The following OR11L1 variants were observed in gnomAD, a reference collection of about 807,000 sequenced individuals.
OR11L1 encodes the protein olfactory receptor 11L1.
For missense variants in OR11L1, 397 were observed against 392.7 expected (o/e 1.01, Z -0.09); for synonymous variants, 164 against 159.1 (o/e 1.03, Z -0.23).
rs1184200091 is a variant in OR11L1 at position 247,841,184 on chromosome 1, A to G, written c.713T>C (p.Phe238Ser). The stretch of plus-strand genomic sequence containing the variant: ...AGCCAGGTGGGAGCCACATGTGGAA[A>G]AGGTCTTTCTCCGGCCAGAGGTGGA... ...IPSTSGRRKT[F>S]STCGSHLAVV... Residue 238 changes from phenylalanine to serine, a missense_variant, in exon 1 of 1, where the codon TTT becomes TCT. Phe to Ser is a radical substitution (Grantham distance 155). Coordinates refer to ENST00000355784, the MANE Select transcript of OR11L1 (RefSeq NM_001001959.1). 6.2e-7 allele frequency: 1 copy of G among 1,614,176 alleles called. No individual in the cohort carries two copies.
rs1558342202 is a variant in OR11L1 at position 247,841,190 on chromosome 1, T to C, written c.707A>G (p.Lys236Arg). ...LRIPSTSGRRKTFSTCGSHLA... is the reference protein window; with the variant it reads ...LRIPSTSGRRRTFSTCGSHLA... The stretch of plus-strand genomic sequence containing the variant: ...GTGGGAGCCACATGTGGAAAAGGTC[T>C]TTCTCCGGCCAGAGGTGGAAGGGAT... The change falls in exon 1 of 1, where the codon AAG becomes AGG. Residue 236 changes from lysine (K) to arginine (R), a missense_variant. By Grantham distance (26) the Lys-to-Arg change is conservative. Transcript: ENST00000355784. 1 of 1,614,124 alleles carries C rather than the reference T, an allele frequency of 6.2e-7. No individual in the cohort carries two copies. Among genetic ancestry groups the C allele is most frequent in the East Asian group, 2.2e-5 (1 of 44,872 alleles).
In OR11L1 at chr1:247,841,537, A is replaced by T; in HGVS notation, c.360T>A (p.Tyr120Ter). 6.2e-7 allele frequency: 1 copy of T among 1,614,064 alleles called. No homozygotes were observed. Among genetic ancestry groups the T allele is most frequent in the Non-Finnish European group, 8.5e-7 (1 of 1,179,962 alleles). The part of the protein sequence containing the change: ...TECFLLAFMA[Y>*]DRYLAICSPL... Reference sequence around the variant, plus strand: ...GGCTGCAGATGGCCAGGTAACGGTCATAGGCCATGAAGGCCAGGAGAAAGC... The same window carrying T: ...GGCTGCAGATGGCCAGGTAACGGTCTTAGGCCATGAAGGCCAGGAGAAAGC... The change falls in exon 1 of 1, where the codon TAT (tyrosine) becomes TAA (stop). Residue 120 changes from tyrosine to a stop codon, truncating the protein, a stop_gained. Coordinates refer to ENST00000355784, the MANE Select transcript of OR11L1 (RefSeq NM_001001959.1). LOFTEE classifies it low-confidence loss of function (END_TRUNC).
chr1:247,841,399 C>T lies in OR11L1; in HGVS notation c.498G>A (p.Leu166=), dbSNP rs762983080. 1 of 1,614,182 alleles carries T rather than the reference C, an allele frequency of 6.2e-7. No individual in the cohort carries two copies. The highest frequency in any genetic ancestry group is 8.5e-7 in the Non-Finnish European group (1 of 1,180,032). Residue 166 remains leucine (L), a synonymous_variant, in exon 1 of 1, where the codon TTG becomes TTA. Transcript: ENST00000355784. The part of the protein sequence containing the change: ...GFLPSLMISR[L]DFCGRNQINH... ...TAATCTGATTGCGCCCACAGAAGTC[C>T]AACCTGGAAATCATCAGGGAAGGCA...
In OR11L1 at chr1:247,841,396, G is replaced by C; in HGVS notation, c.501C>G (p.Asp167Glu). 1 of 1,614,186 alleles carries C rather than the reference G, an allele frequency of 6.2e-7. No homozygotes were observed. Among genetic ancestry groups the C allele is most frequent in the Non-Finnish European group, 8.5e-7 (1 of 1,180,022 alleles). The part of the protein sequence containing the change: ...FLPSLMISRL[D>E]FCGRNQINHF... ...GGTTAATCTGATTGCGCCCACAGAA[G>C]TCCAACCTGGAAATCATCAGGGAAG... is the stretch of plus-strand genomic sequence containing the variant. Residue 167 changes from aspartate (D) to glutamate (E), a missense_variant, in exon 1 of 1, where the codon GAC (aspartate) becomes GAG (glutamate). Transcript: ENST00000355784.
At position 247,841,213 on chromosome 1, in the gene OR11L1, G is replaced by T; in HGVS notation, c.684C>A (p.Ile228=). 1 of 1,614,160 alleles carries T rather than the reference G, an allele frequency of 6.2e-7. No individual in the cohort carries two copies. Among genetic ancestry groups the T allele is most frequent in the South Asian group, 1.1e-5 (1 of 91,074 alleles). ...YVFIVSSILR[I]PSTSGRRKTF... is the part of the protein sequence containing the mutation. The stretch of plus-strand genomic sequence containing the variant: ...TCTTTCTCCGGCCAGAGGTGGAAGG[G>T]ATTCTCAATATGGAGGACACAATGA... The change falls in exon 1 of 1, where the codon ATC becomes ATA. Residue 228 remains isoleucine (I), a synonymous_variant. Coordinates refer to ENST00000355784, the MANE Select transcript of OR11L1 (RefSeq NM_001001959.1).
At position 247,841,262 on chromosome 1, in the gene OR11L1, A is replaced by T; in HGVS notation, c.635T>A (p.Phe212Tyr). 1 of 1,614,226 alleles carries T rather than the reference A, an allele frequency of 6.2e-7. No individual in the cohort carries two copies. Among genetic ancestry groups the T allele is most frequent in the Non-Finnish European group, 8.5e-7 (1 of 1,180,036 alleles). ...LSIAVLCICFFLTLGPYVFIV... is the reference protein window; with the variant it reads ...LSIAVLCICFYLTLGPYVFIV... ...GAAAACATAGGGCCCCAGTGTCAGA[A>T]AAAAACAAATGCACAGCACGGCAAT... Residue 212 changes from phenylalanine to tyrosine, a missense_variant, in exon 1 of 1, where the codon TTT (phenylalanine) becomes TAT (tyrosine). By Grantham distance (22) the Phe-to-Tyr change is conservative. Coordinates refer to ENST00000355784, the MANE Select transcript of OR11L1 (RefSeq NM_001001959.1).
Position 247,841,454 on chromosome 1 carries a change from G to A in OR11L1, c.443C>T (p.Ser148Phe), listed in dbSNP as rs781282159. 52 of 1,614,026 alleles carry A rather than the reference G, an allele frequency of 3.2e-5. No individual in the cohort carries two copies. The highest frequency in any genetic ancestry group is 4.0e-5 in the Non-Finnish European group (47 of 1,180,000). The change falls in exon 1 of 1, where the codon TCC (serine) becomes TTC (phenylalanine). Residue 148 changes from serine to phenylalanine, a missense_variant. Physicochemically the swap from Ser to Phe is radical, Grantham distance 155. Transcript: ENST00000355784. ...RGLCARLVVV[S>F]WCTGVSTGFL... is the part of the protein sequence containing the mutation. ...GCCTGTGCTGACCCCTGTGCACCAG[G>A]AGACCACCACCAACCTGGCACAGAG... is the stretch of plus-strand genomic sequence containing the variant.
rs1286239385 is a variant in OR11L1 at position 247,841,630 on chromosome 1, G to A, written c.267C>T (p.Gly89=). Reference sequence around the variant, plus strand: ...TGCAGGCAGAGAAGGAGATGGCTTGGCCCCAGGACAGCAGGTTGGCTAGGA... The same window carrying A: ...TGCAGGCAGAGAAGGAGATGGCTTGACCCCAGGACAGCAGGTTGGCTAGGA... ...PLLLANLLSW[G]QAISFSACMA... Residue 89 remains glycine (G), a synonymous_variant, in exon 1 of 1, where the codon GGC becomes GGT. Coordinates refer to ENST00000355784, the MANE Select transcript of OR11L1 (RefSeq NM_001001959.1). 1 of 1,614,182 alleles carries A rather than the reference G, an allele frequency of 6.2e-7. No homozygotes were observed. The highest frequency in any genetic ancestry group is 8.5e-7 in the Non-Finnish European group (1 of 1,180,026).
rs201205415 is a variant in OR11L1 at position 247,841,860 on chromosome 1, G to C, written c.37C>G (p.Gln13Glu). 5.8e-5 allele frequency: 94 copies of C among 1,613,746 alleles called. No homozygotes were observed. The highest frequency in any genetic ancestry group is 7.6e-5 in the Non-Finnish European group (90 of 1,179,956). Residue 13 changes from glutamine (Q) to glutamate (E), a missense_variant, in exon 1 of 1, where the codon CAG (glutamine) becomes GAG (glutamate). Physicochemically the swap from Gln to Glu is conservative, Grantham distance 29. Coordinates refer to ENST00000355784, the MANE Select transcript of OR11L1 (RefSeq NM_001001959.1). ...PQNTSTVTNF[Q>E]LLGFQNLLEW... is the part of the protein sequence containing the mutation. ...AGAAGGTTCTGGAATCCTAACAGCT[G>C]AAAGTTAGTCACAGTGGAGGTATTT...
At position 247,841,864 on chromosome 1, in the gene OR11L1, G is replaced by A; in HGVS notation, c.33C>T (p.Asn11=). 2 of 1,613,730 alleles carry A rather than the reference G, an allele frequency of 1.2e-6. No homozygotes were observed. Among genetic ancestry groups the A allele is most frequent in the African/African-American group, 1.3e-5 (1 of 75,044 alleles). ...GGTTCTGGAATCCTAACAGCTGAAA[G>A]TTAGTCACAGTGGAGGTATTTTGGG... MEPQNTSTVT[N]FQLLGFQNLL... The change falls in exon 1 of 1, where the codon AAC becomes AAT. Residue 11 remains asparagine (N), a synonymous_variant. Transcript: ENST00000355784.
Position 247,841,573 on chromosome 1 carries a change from G to T in OR11L1, c.324C>A (p.Gly108=), listed in dbSNP as rs776237118. The T allele has an allele frequency of 2.5e-6, 4 of 1,613,814 alleles. No homozygotes were observed. Among genetic ancestry groups the T allele is most frequent in the Non-Finnish European group, 3.4e-6 (4 of 1,179,834 alleles). ...MAQLYFFVFL[G]ATECFLLAFM... Reference sequence around the variant, plus strand: ...AGGCCAGGAGAAAGCACTCGGTGGCGCCGAGGAATACGAAGAAGTAGAGCT... The same window carrying T: ...AGGCCAGGAGAAAGCACTCGGTGGCTCCGAGGAATACGAAGAAGTAGAGCT... The change falls in exon 1 of 1, where the codon GGC becomes GGA. Residue 108 remains glycine, a synonymous_variant. Coordinates refer to ENST00000355784, the MANE Select transcript of OR11L1 (RefSeq NM_001001959.1).
In OR11L1 at chr1:247,841,584, C is replaced by G; in HGVS notation, c.313G>C (p.Val105Leu). The change falls in exon 1 of 1, where the codon GTA (valine) becomes CTA (leucine). Residue 105 changes from valine to leucine, a missense_variant. Transcript: ENST00000355784. ...SACMAQLYFF[V>L]FLGATECFLL... ...AAGCACTCGGTGGCGCCGAGGAATA[C>G]GAAGAAGTAGAGCTGTGCCATGCAG... is the stretch of plus-strand genomic sequence containing the variant. 6.2e-7 allele frequency: 1 copy of G among 1,613,658 alleles called. No homozygotes were observed. Among genetic ancestry groups the G allele is most frequent in the Non-Finnish European group, 8.5e-7 (1 of 1,179,820 alleles).
In OR11L1 at chr1:247,841,347, G is replaced by C; in HGVS notation, c.550C>G (p.Leu184Val). ...INHFFCDLPP[L>V]MQLSCSRVYI... ...ACTCTGGAACAGGAGAGCTGCATGAGTGGCGGGAGGTCGCAGAAGAAATGG... is the reference window on the plus strand; with the variant it reads ...ACTCTGGAACAGGAGAGCTGCATGACTGGCGGGAGGTCGCAGAAGAAATGG... The change falls in exon 1 of 1, where the codon CTC becomes GTC. Residue 184 changes from leucine to valine, a missense_variant. By Grantham distance (32) the Leu-to-Val change is conservative (BLOSUM62 1). Transcript: ENST00000355784. 3 of 1,614,046 alleles carry C rather than the reference G, an allele frequency of 1.9e-6. No individual in the cohort carries two copies. Among genetic ancestry groups the C allele is most frequent in the South Asian group, 2.2e-5 (2 of 91,078 alleles).
chr1:247,841,029 A>G lies in OR11L1; in HGVS notation c.868T>C (p.Tyr290His), dbSNP rs764087149. 1 of 1,614,194 alleles carries G rather than the reference A, an allele frequency of 6.2e-7. No homozygotes were observed. Among genetic ancestry groups the G allele is most frequent in the Non-Finnish European group, 8.5e-7 (1 of 1,180,012 alleles). ...VVTPLLNPVI[Y>H]SLRNKDFKEA... ...TTGAAGTCTTTGTTCCTCAAGCTGT[A>G]GATAACTGGGTTCAGCAGTGGTGTG... The change falls in exon 1 of 1, where the codon TAC (tyrosine) becomes CAC (histidine). Residue 290 changes from tyrosine to histidine, a missense_variant. Transcript: ENST00000355784.
At position 247,841,066 on chromosome 1, in the gene OR11L1, G is replaced by A. The variant is rs777160400; in HGVS notation, c.831C>T (p.Phe277=). Residue 277 remains phenylalanine (F), a synonymous_variant, in exon 1 of 1, where the codon TTC becomes TTT. Coordinates refer to ENST00000355784, the MANE Select transcript of OR11L1 (RefSeq NM_001001959.1). ...TCAGCAGTGGTGTGACCACAGTGTA[G>A]AAGACAGAAATGATCTTGTTGATTT... The part of the protein sequence containing the change: ...LPEINKIISV[F]YTVVTPLLNP... 1.6e-5 allele frequency: 26 copies of A among 1,614,094 alleles called. No homozygotes were observed. Among genetic ancestry groups the A allele is most frequent in the African/African-American group, 6.7e-5 (5 of 74,932 alleles).
rs563634223 is a variant in OR11L1 at position 247,841,248 on chromosome 1, G to A, written c.649C>T (p.Pro217Ser). 2 of 1,614,076 alleles carry A rather than the reference G, an allele frequency of 1.2e-6. No homozygotes were observed. The highest frequency in any genetic ancestry group is 2.2e-5 in the South Asian group (2 of 91,074). ...ATGGAGGACACAATGAAAACATAGG[G>A]CCCCAGTGTCAGAAAAAAACAAATG... is the stretch of plus-strand genomic sequence containing the variant. ...LCICFFLTLG[P>S]YVFIVSSILR... The change falls in exon 1 of 1, where the codon CCC (proline) becomes TCC (serine). Residue 217 changes from proline to serine, a missense_variant. By Grantham distance (74) the Pro-to-Ser change is moderately conservative. Coordinates refer to ENST00000355784, the MANE Select transcript of OR11L1 (RefSeq NM_001001959.1).
rs776197398 is a variant in OR11L1, at chr1:247,841,024, G to A, written c.873C>T (p.Ser291=). ...CTTCTTTGAAGTCTTTGTTCCTCAA[G>A]CTGTAGATAACTGGGTTCAGCAGTG... is the stretch of plus-strand genomic sequence containing the variant. The part of the protein sequence containing the change: ...VTPLLNPVIY[S]LRNKDFKEAV... The change falls in exon 1 of 1, where the codon AGC becomes AGT. Residue 291 remains serine (S), a synonymous_variant. Coordinates refer to ENST00000355784, the MANE Select transcript of OR11L1 (RefSeq NM_001001959.1). 10 of 1,614,040 alleles carry A rather than the reference G, an allele frequency of 6.2e-6. No individual in the cohort carries two copies. The South Asian group carries it at 1.1e-4, about 18-fold the overall frequency.
rs773300898 is a variant in OR11L1 at position 247,841,299 on chromosome 1, A to G, written c.598T>C (p.Phe200Leu). 2 of 1,614,116 alleles carry G rather than the reference A, an allele frequency of 1.2e-6. No individual in the cohort carries two copies. Among genetic ancestry groups the G allele is most frequent in the South Asian group, 2.2e-5 (2 of 91,086 alleles). The change falls in exon 1 of 1, where the codon TTC becomes CTC. Residue 200 changes from phenylalanine to leucine, a missense_variant. By Grantham distance (22) the Phe-to-Leu change is conservative. Transcript: ENST00000355784. Reference protein sequence around the residue: ...SRVYITEVTIFILSIAVLCIC... With the variant: ...SRVYITEVTILILSIAVLCIC... The stretch of plus-strand genomic sequence containing the variant: ...CACAGCACGGCAATTGACAGGATGA[A>G]GATGGTCACCTCGGTGATATAAACT...
rs372418706 is a variant in OR11L1, at chr1:247,841,089, T to C, written c.808A>G (p.Ile270Val). 61 of 1,614,050 alleles carry C rather than the reference T, an allele frequency of 3.8e-5. No homozygotes were observed. Among genetic ancestry groups the C allele is most frequent in the Non-Finnish European group, 4.8e-5 (57 of 1,180,022 alleles). The change falls in exon 1 of 1, where the codon ATC (isoleucine) becomes GTC (valine). Residue 270 changes from isoleucine to valine, a missense_variant. Physicochemically the swap from Ile to Val is conservative, Grantham distance 29. Coordinates refer to ENST00000355784, the MANE Select transcript of OR11L1 (RefSeq NM_001001959.1). ...TAGAAGACAGAAATGATCTTGTTGATTTCAGGCAACAGGTGGGGACTGGGA... is the reference window on the plus strand; with the variant it reads ...TAGAAGACAGAAATGATCTTGTTGACTTCAGGCAACAGGTGGGGACTGGGA... ...VCPSPHLLPE[I>V]NKIISVFYTV...
Sources: gnomAD v4.1 joint callset for allele counts on GRCh38, gnomAD v4.1.1 for gene constraint, MANE v1.5 for transcripts, NCBI Gene and HGNC (gene_info 2026-07-23, HGNC 2026-07-21) for gene names.